The following ZNF770 variants were observed in gnomAD, a reference collection of about 807,000 sequenced individuals.
ZNF770 encodes the protein zinc finger protein 770.
ZNF770 carries 13 observed loss-of-function variants against 44.8 expected under a neutral mutation model. That is an observed-to-expected ratio of 0.29 (90% CI 0.19 to 0.46). ZNF770 has a LOEUF of 0.46. Among genes scored for constraint, ZNF770 ranks in the 20% least tolerant of loss-of-function variants. The pLI, the probability that ZNF770 is intolerant of heterozygous loss-of-function variation, is 1.00. For synonymous variants in ZNF770, 304 were observed against 271.8 expected (o/e 1.12, Z -1.17); for missense variants, 681 against 797.9 (o/e 0.85, Z 1.77).
chr15:34,987,961 A>G (rs2050446015), intron 1 of ZNF770, among the ~76,000 whole-genome samples, 155 bp downstream of exon 1: 1 of 152,168 alleles, frequency 6.6e-6, no homozygotes, highest in Non-Finnish European at 1.5e-5. Context: ...GCCACATGTG[A>G]TACAACCCAC....
rs1256065236 is a variant in ZNF770, at chr15:34,978,518, G to C, written c.*2841C>G. The C allele has an allele frequency of 6.6e-6, 1 of 151,988 alleles. No individual in the cohort carries two copies. The highest frequency in any genetic ancestry group is 1.5e-5 in the Non-Finnish European group (1 of 68,002). The allele number at this position is 151,988 out of a possible 1,614,324, so 9.4% of individuals were successfully genotyped here. A position where few individuals can be genotyped will look rare whatever the true frequency, so the allele number is the denominator to read the frequency against. The stretch of plus-strand genomic sequence containing the variant: ...AGCCAATCAAACTACTTCAGTAAAT[G>C]ATCATACTACAGCCTGGAATCACTC... On this transcript the variant is annotated 3_prime_UTR_variant, in exon 3 of 3. Coordinates refer to ENST00000356321, the MANE Select transcript of ZNF770 (RefSeq NM_014106.4).
chr15:34,985,453 T>G (rs2050427879), intron 2 of ZNF770, among the ~76,000 whole-genome samples: 1 of 152,180 alleles, frequency 6.6e-6, no homozygotes, highest in Admixed American at 6.5e-5. Context: ...TGTGGTTCTT[T>G]AGCAATGTGA....
At position 34,983,901 on chromosome 15, in the gene ZNF770, T is replaced by C. The variant is rs144895162; in HGVS notation, c.-56-411A>G. Among the ~76,000 whole-genome samples, 447 of 152,208 alleles carry C rather than the reference T, an allele frequency of 2.9e-3. 4 individuals are homozygous for C. The highest frequency in any genetic ancestry group is 0.01 in the African/African-American group (424 of 41,474). On this transcript the variant is annotated intron_variant, in intron 2 of 2. Coordinates refer to ENST00000356321, the MANE Select transcript of ZNF770 (RefSeq NM_014106.4). ...TCAAAACATAATACTAAAAATAAGA[T>C]ATACTTGCATTCAATTATAGCACAT...
At position 34,981,336 on chromosome 15, in the gene ZNF770, C is replaced by G. The variant is rs1182854097; in HGVS notation, c.*23G>C. 6.3e-7 allele frequency: 1 copy of G among 1,584,682 alleles called. No homozygotes were observed. The highest frequency in any genetic ancestry group is 8.5e-7 in the Non-Finnish European group (1 of 1,170,382). The stretch of plus-strand genomic sequence containing the variant: ...TTAAAAATAAGATCACCAGAGACCA[C>G]AATTGTTAGTGGTTGCGACAATTTA... On this transcript the variant is annotated 3_prime_UTR_variant, in exon 3 of 3. Transcript: ENST00000356321.
rs772815840 is a variant in ZNF770 at position 34,981,436 on chromosome 15, G to T, written c.1999C>A (p.His667Asn). The change falls in exon 3 of 3, where the codon CAC (histidine) becomes AAC (asparagine). Residue 667 changes from histidine (H) to asparagine (N), a missense_variant. His to Asn is a moderately conservative substitution (Grantham distance 68, BLOSUM62 1). Transcript: ENST00000356321. ...TGAGTAAGCTGATGTCTCTTCCAGT[G>T]AGGAGCCTGTCTGAATGTTTTGCCA... ...VCGKTFRQAP[H>N]WKRHQLTHFK... 6.2e-7 allele frequency: 1 copy of T among 1,614,128 alleles called. No individual in the cohort carries two copies. The highest frequency in any genetic ancestry group is 1.7e-5 in the Admixed American group (1 of 60,022).
chr15:34,986,007 G>C lies in ZNF770; in HGVS notation c.-57+1550C>G, dbSNP rs191510706. ...ATATTGTTTTGTGAAACTTCTGTAG[G>C]AAGAAGTAAAAAAGTTTATGAAAGC... is the stretch of plus-strand genomic sequence containing the variant. On this transcript the variant is annotated intron_variant, in intron 2 of 2. Transcript: ENST00000356321. 1.5e-3 allele frequency among the ~76,000 whole-genome samples: 233 copies of C among 151,878 alleles called. 7 individuals carry two copies. The Middle Eastern group carries it at 0.031, about 20-fold the overall frequency.
Position 34,981,509 on chromosome 15 carries a change from T to G in ZNF770, c.1926A>C (p.Arg642Ser). 6.2e-7 allele frequency: 1 copy of G among 1,614,224 alleles called. No homozygotes were observed. Among genetic ancestry groups the G allele is most frequent in the Non-Finnish European group, 8.5e-7 (1 of 1,180,036 alleles). Residue 642 changes from arginine (R) to serine (S), a missense_variant, in exon 3 of 3, where the codon AGA becomes AGC. Arg to Ser is a moderately radical substitution (Grantham distance 110). Around this residue, in one of 5 missense-constraint regions of ZNF770, gnomAD observed 148 missense variants for 191.0 expected, o/e 0.77. Transcript: ENST00000356321. ...KSFRSPSKLE[R>S]HYLIHAGQKP... Reference sequence around the variant, plus strand: ...TCTGCCCTGCATGAATTAGGTAGTGTCTTTCCAGTTTAGATGGAGATCGGA... The same window carrying G: ...TCTGCCCTGCATGAATTAGGTAGTGGCTTTCCAGTTTAGATGGAGATCGGA...
chr15:34,981,571 C>T lies in ZNF770; in HGVS notation c.1864G>A (p.Val622Ile). ...CAAACACTGCATCGGTACAGGAAGA[C>T]ATCATTTTTCTCCTGATGCTCTGAA... Reference protein sequence around the residue: ...SYSEHQEKNDVFLYRCSVCAK... With the variant: ...SYSEHQEKNDIFLYRCSVCAK... The change falls in exon 3 of 3, where the codon GTC (valine) becomes ATC (isoleucine). Residue 622 changes from valine (V) to isoleucine (I), a missense_variant. Physicochemically the swap from Val to Ile is conservative, Grantham distance 29 (BLOSUM62 3). Around this residue, in one of 5 missense-constraint regions of ZNF770, gnomAD observed 148 missense variants for 191.0 expected, o/e 0.77. Transcript: ENST00000356321. The T allele has an allele frequency of 1.2e-6, 2 of 1,614,180 alleles. No individual in the cohort carries two copies. The highest frequency in any genetic ancestry group is 8.5e-7 in the Non-Finnish European group (1 of 1,180,036).
At position 34,979,826 on chromosome 15, in the gene ZNF770, T is replaced by C. The variant is rs1029196344; in HGVS notation, c.*1533A>G. 4 of 318,012 alleles carry C rather than the reference T, an allele frequency of 1.3e-5. No homozygotes were observed. Among genetic ancestry groups the C allele is most frequent in the African/African-American group, 9.0e-5 (4 of 44,312 alleles). 19.7% of individuals were successfully genotyped at this position (318,012 alleles called of 1,614,324 possible). A position where few individuals can be genotyped will look rare whatever the true frequency, so the allele number is the denominator to read the frequency against. On this transcript the variant is annotated 3_prime_UTR_variant, in exon 3 of 3. Transcript: ENST00000356321. ...CTTAGAAACATAACGGTTCATTCCT[T>C]TTATTGCTAGAGAATGTCATTCCTG...
Position 34,982,229 on chromosome 15 carries a change from C to T in ZNF770, c.1206G>A (p.Lys402=). The part of the protein sequence containing the change: ...HGTYKTIGNR[K]KKTLTLPFSW... ...AAAATGGCAAAGTCAATGTTTTCTT[C>T]TTTCTATTGCCAATTGTTTTATATG... Residue 402 remains lysine (K), a synonymous_variant, in exon 3 of 3, where the codon AAG becomes AAA. Transcript: ENST00000356321. 2 of 1,613,436 alleles carry T rather than the reference C, an allele frequency of 1.2e-6. No individual in the cohort carries two copies. Among genetic ancestry groups the T allele is most frequent in the South Asian group, 2.2e-5 (2 of 90,878 alleles).
Position 34,982,247 on chromosome 15 carries a change from T to C in ZNF770, c.1188A>G (p.Lys396=), listed in dbSNP as rs746325056. 1.2e-6 allele frequency: 2 copies of C among 1,614,004 alleles called. No homozygotes were observed. The highest frequency in any genetic ancestry group is 1.7e-6 in the Non-Finnish European group (2 of 1,179,996). The change falls in exon 3 of 3, where the codon AAA becomes AAG. Residue 396 remains lysine, a synonymous_variant. Coordinates refer to ENST00000356321, the MANE Select transcript of ZNF770 (RefSeq NM_014106.4). ...TTTTCTTCTTTCTATTGCCAATTGT[T>C]TTATATGTTCCATGTTTGCCAAGAG... The part of the protein sequence containing the change: ...VGSLGKHGTY[K]TIGNRKKKTL...
chr15:34,983,904 A>G (rs552544153), intron 2 of ZNF770, among the ~76,000 whole-genome samples: 1 of 152,226 alleles, frequency 6.6e-6, no homozygotes, highest in Admixed American at 6.5e-5. Context: ...AATAAGATAT[A>G]CTTGCATTCA....
chr15:34,982,607 A>C lies in ZNF770; in HGVS notation c.828T>G (p.Gly276=). Reference sequence around the variant, plus strand: ...CAAGTGGATTATTCTCCTCAGATTCACCAATCTCACCATTTTCAAAACCAC... The same window carrying C: ...CAAGTGGATTATTCTCCTCAGATTCCCCAATCTCACCATTTTCAAAACCAC... ...NQGGFENGEI[G]ESEENNPLDV... The change falls in exon 3 of 3, where the codon GGT becomes GGG. Residue 276 remains glycine (G), a synonymous_variant. Transcript: ENST00000356321. 2 of 1,613,390 alleles carry C rather than the reference A, an allele frequency of 1.2e-6. No individual in the cohort carries two copies. Among genetic ancestry groups the C allele is most frequent in the Non-Finnish European group, 1.7e-6 (2 of 1,179,994 alleles).
intron 2 of ZNF770, among the ~76,000 whole-genome samples, chr15:34,985,474 G>GA (rs368482469): frequency 9.1e-4 from 135 of 148,994 alleles, no homozygotes; most frequent in African/African-American, 2.6e-3. Context: ...ATCAGAAACA[G>GA]AAAAAAAAAA....
chr15:34,982,541 C>G lies in ZNF770; in HGVS notation c.894G>C (p.Lys298Asn). 1 of 1,614,008 alleles carries G rather than the reference C, an allele frequency of 6.2e-7. No individual in the cohort carries two copies. Among genetic ancestry groups the G allele is most frequent in the Non-Finnish European group, 8.5e-7 (1 of 1,180,000 alleles). ...SIYIVPFQCP[K>N]CEKCFESEQI... ...GCTCTGATTCAAAACACTTTTCACA[C>G]TTTGGACATTGAAAAGGGACAATAT... Residue 298 changes from lysine (K) to asparagine (N), a missense_variant, in exon 3 of 3, where the codon AAG (lysine) becomes AAC (asparagine). Physicochemically the swap from Lys to Asn is moderately conservative, Grantham distance 94. Around this residue, in one of 5 missense-constraint regions of ZNF770, gnomAD observed 432 missense variants for 434.1 expected, o/e 1.00. Transcript: ENST00000356321.
rs1241632297 is a variant in ZNF770 at position 34,982,575 on chromosome 15, T to C, written c.860A>G (p.His287Arg). 1.9e-6 allele frequency: 3 copies of C among 1,613,768 alleles called. No homozygotes were observed. The highest frequency in any genetic ancestry group is 2.5e-6 in the Non-Finnish European group (3 of 1,180,006). Reference protein sequence around the residue: ...ESEENNPLDVHSIYIVPFQCP... With the variant: ...ESEENNPLDVRSIYIVPFQCP... Reference sequence around the variant, plus strand: ...TTGAAAAGGGACAATATAAATTGAGTGGACATCAAGTGGATTATTCTCCTC... The same window carrying C: ...TTGAAAAGGGACAATATAAATTGAGCGGACATCAAGTGGATTATTCTCCTC... The change falls in exon 3 of 3, where the codon CAC (histidine) becomes CGC (arginine). Residue 287 changes from histidine to arginine, a missense_variant. His to Arg is a conservative substitution (Grantham distance 29). Around this residue, in one of 5 missense-constraint regions of ZNF770, gnomAD observed 432 missense variants for 434.1 expected, o/e 1.00. Coordinates refer to ENST00000356321, the MANE Select transcript of ZNF770 (RefSeq NM_014106.4).
rs2050389936 is a variant in ZNF770, at chr15:34,979,923, T to G, written c.*1436A>C. ...GAAATAAGTCCTTTGTAGTAAAGAA[T>G]ATTTCCCAAATCATAACAGTTCTAT... On this transcript the variant is annotated 3_prime_UTR_variant, in exon 3 of 3. Coordinates refer to ENST00000356321, the MANE Select transcript of ZNF770 (RefSeq NM_014106.4). The G allele has an allele frequency of 3.7e-6, 1 of 269,170 alleles. No homozygotes were observed. The highest frequency in any genetic ancestry group is 7.3e-6 in the Non-Finnish European group (1 of 137,366). The allele number at this position is 269,170 out of a possible 1,614,324, so 16.7% of individuals were successfully genotyped here. A position where few individuals can be genotyped will look rare whatever the true frequency, so the allele number is the denominator to read the frequency against.
chr15:34,982,183 T>G lies in ZNF770; in HGVS notation c.1252A>C (p.Asn418His), dbSNP rs142076650. 2.6e-4 allele frequency: 412 copies of G among 1,612,792 alleles called. No individual in the cohort carries two copies. Among genetic ancestry groups the G allele is most frequent in the Admixed American group, 1.7e-3 (100 of 59,748 alleles). The change falls in exon 3 of 3, where the codon AAT (asparagine) becomes CAT (histidine). Residue 418 changes from asparagine (N) to histidine (H), a missense_variant. Transcript: ENST00000356321. ...TCTGTCGTAAGGATGCCTTTCAAAT[T>G]TTTTCCCATATTTTGCCAAGAAAAT... is the stretch of plus-strand genomic sequence containing the variant. Reference protein sequence around the residue: ...LPFSWQNMGKNLKGILTTENI... With the variant: ...LPFSWQNMGKHLKGILTTENI...
At position 34,982,407 on chromosome 15, in the gene ZNF770, A is replaced by C; in HGVS notation, c.1028T>G (p.Leu343Arg). 1 of 1,613,292 alleles carries C rather than the reference A, an allele frequency of 6.2e-7. No homozygotes were observed. The highest frequency in any genetic ancestry group is 1.1e-5 in the South Asian group (1 of 90,988). ...KTIVKKILAK[L>R]KRARSKKLDN... ...TAATTTTTTACTCCTAGCACGCTTA[A>C]GCTTGGCCAAGATTTTTTTAACAAT... is the stretch of plus-strand genomic sequence containing the variant. Residue 343 changes from leucine to arginine, a missense_variant, in exon 3 of 3, where the codon CTT becomes CGT. By Grantham distance (102) the Leu-to-Arg change is moderately radical. This residue lies in a region of ZNF770 where 432 missense variants were observed against 434.1 expected (regional missense o/e 1.00). Transcript: ENST00000356321.
Sources: gnomAD v4.1 joint callset for allele counts (sites outside exome capture counted in the v4.1 genomes callset) on GRCh38, gnomAD v4.1.1 for gene constraint, gnomAD v4.1.1 regional missense constraint, MANE v1.5 for transcripts, NCBI Gene and HGNC (gene_info 2026-07-23, HGNC 2026-07-21) for gene names.